ATP5PF: variants seen among roughly 807,000 people sequenced by gnomAD.
The protein encoded by ATP5PF is ATP synthase peripheral stalk subunit F6.
In ATP5PF, 7 loss-of-function variants were observed where a neutral mutation model predicts 12.0. The observed-to-expected ratio is 0.58, with a 90% CI of 0.33 to 1.10. ATP5PF has a LOEUF of 1.10. Ranked by LOEUF, ATP5PF falls within the 50% of genes least tolerant of loss-of-function variation. The pLI is 0.03. For missense variants in ATP5PF, 120 were observed against 127.7 expected, an observed-to-expected ratio of 0.94 and a Z score of 0.29; for synonymous variants, 41 against 45.4, an observed-to-expected ratio of 0.90 and a Z score of 0.39.
Position 25,730,736 on chromosome 21 carries a change from C to CAAAAAAAAAAAAAAAAAAAAA in ATP5PF, c.-7-956_-7-936dup, listed in dbSNP as rs71183508. Among the ~76,000 whole-genome samples the CAAAAAAAAAAAAAAAAAAAAA allele has an allele frequency of 5.0e-4, 16 of 31,892 alleles. 2 individuals carry two copies. The highest frequency in any genetic ancestry group is 8.1e-4 in the Admixed American group (2 of 2,480). The allele number at this position is 31,892 out of a possible 152,430, so 20.9% of individuals were successfully genotyped here. On this transcript the variant is annotated intron_variant, in intron 1 of 3. Coordinates refer to ENST00000284971, the MANE Select transcript of ATP5PF (RefSeq NM_001003703.2). ...GCAACAAGAGCAAGACTCCGTCTCA[C>CAAAAAAAAAAAAAAAAAAAAA]AAAAAAAAAAAAAAAAAAAAAAAAA...
upstream of ATP5PF, chr21:25,734,961 G>T: frequency 1.3e-6 from 2 of 1,571,494 alleles, no homozygotes; most frequent in Non-Finnish European, 1.7e-6. Flanking sequence ...TGCATTATGG[G>T]CCGCCGTTTC....
chr21:25,730,135 G>A (rs1034080506), intron 1 of ATP5PF, among the ~76,000 whole-genome samples: 2 of 152,152 alleles, frequency 1.3e-5, no homozygotes, highest in East Asian at 1.9e-4. Flanking sequence ...AACACTGTCC[G>A]CTCCTAACAG....
At chr21:25,728,615 A>G (rs1330979654) in intron 2 of ATP5PF, among the ~76,000 whole-genome samples, 1 of 152,298 alleles carries the variant, frequency 6.6e-6, no homozygotes, top group Admixed American at 6.5e-5. Flanking sequence ...GTTTCATGCT[A>G]TAAGGAAAAT....
chr21:25,729,928 G>A, intron 1 of ATP5PF, 127 bp from the exon 2 acceptor site: 3 of 1,079,840 alleles, frequency 2.8e-6, no homozygotes, highest in Non-Finnish European at 3.9e-6. Context: ...GTCTATACCT[G>A]ACCACAGTTC....
chr21:25,733,449 C>G (rs1288419287), intron 1 of ATP5PF, among the ~76,000 whole-genome samples: 1 of 152,066 alleles, frequency 6.6e-6, no homozygotes, highest in Non-Finnish European at 1.5e-5. Flanking sequence ...AGGGCGTAAA[C>G]CTGGAAAGTG....
chr21:25,733,594 AT>A, intron 1 of ATP5PF, among the ~76,000 whole-genome samples: 1 of 152,176 alleles, frequency 6.6e-6, no homozygotes, highest in African/African-American at 2.4e-5. Flanking sequence ...AAAAAAAAAA[AT>A]TGTGCAATTC....
chr21:25,724,709 A>T (rs773737627), intron 3 of ATP5PF, 32 bp from the exon 4 acceptor site: 14 of 1,583,548 alleles, frequency 8.8e-6, no homozygotes, highest in Non-Finnish European at 1.2e-5. Flanking sequence ...GGTCAAGCTT[A>T]GCCAAATTGC....
At chr21:25,735,241 C>A, upstream of ATP5PF, 1 of 568,710 alleles carries the variant, frequency 1.8e-6, no homozygotes, top group Non-Finnish European at 3.2e-6. Context: ...TTAGGGTTAT[C>A]GAAGTGTATA....
chr21:25,727,184 C>A (rs1448637233), intron 2 of ATP5PF, among the ~76,000 whole-genome samples: 1 of 152,110 alleles, frequency 6.6e-6, no homozygotes, highest in Admixed American at 6.5e-5. Context: ...ATGGACACTG[C>A]GGTTCTAAAT....
At chr21:25,734,557 C>T in intron 1 of ATP5PF, 1 of 455,736 alleles carries the variant, frequency 2.2e-6, no homozygotes, top group Non-Finnish European at 3.2e-6. Flanking sequence ...TCCCGCGCGC[C>T]TGACCTTGGG....
chr21:25,734,933 G>T (rs768581818), upstream of ATP5PF: 1 of 1,573,578 alleles, frequency 6.4e-7, no homozygotes, highest in South Asian at 1.2e-5. Context: ...GCCCCCACAC[G>T]CCTACCCGCC....
Position 25,725,367 on chromosome 21 carries a change from C to G in ATP5PF, c.165-17G>C, listed in dbSNP as rs376150115. ...CCAGATGTCCTGTTAAGTAAATGAG[C>G]AAACAAAAATTAATTTTGTGTACTA... On this transcript the variant is annotated splice_polypyrimidine_tract_variant and intron_variant, in intron 2 of 3. Coordinates refer to ENST00000284971, the MANE Select transcript of ATP5PF (RefSeq NM_001003703.2). 20 of 1,558,062 alleles carry G rather than the reference C, an allele frequency of 1.3e-5. No individual in the cohort carries two copies. The highest frequency in any genetic ancestry group is 4.2e-5 in the African/African-American group (3 of 72,240).
intron 3 of ATP5PF, 161 bp from the exon 4 acceptor site, chr21:25,724,838 C>G (rs2034574732): frequency 1.4e-6 from 1 of 714,546 alleles, no homozygotes; most frequent in Non-Finnish European, 2.3e-6. Flanking sequence ...GCAACACTTT[C>G]TATGAGCCAT....
At chr21:25,734,747 G>C in intron 1 of ATP5PF, 106 bp downstream of exon 1, 1 of 1,170,024 alleles carries the variant, frequency 8.5e-7, no homozygotes, top group Non-Finnish European at 1.2e-6. Flanking sequence ...AGGACACAGA[G>C]CTGCTCTCTC....
intron 1 of ATP5PF, among the ~76,000 whole-genome samples, chr21:25,730,736 C>CAAAAAA (rs71183508): frequency 0.017 from 539 of 31,862 alleles, 86 homozygotes; most frequent in Non-Finnish European, 0.026. Flanking sequence ...CTCCGTCTCA[C>CAAAAAA]AAAAAAAAAA....
At chr21:25,735,114 C>T (rs1601097784), upstream of ATP5PF, 3 of 751,418 alleles carry the variant, frequency 4.0e-6, no homozygotes, top group East Asian at 5.4e-5. Context: ...GCCATCTTTT[C>T]TTCGCCTAAT....
chr21:25,726,375 C>T (rs990638539), intron 2 of ATP5PF, among the ~76,000 whole-genome samples: 2 of 152,158 alleles, frequency 1.3e-5, no homozygotes, highest in African/African-American at 4.8e-5. Flanking sequence ...TAACAAAAAG[C>T]TATTCAAGTT....
chr21:25,734,745 G>A, intron 1 of ATP5PF, 108 bp downstream of exon 1: 1 of 1,157,240 alleles, frequency 8.6e-7, no homozygotes, highest in South Asian at 1.5e-5. Flanking sequence ...CCAGGACACA[G>A]AGCTGCTCTC....
Position 25,731,683 on chromosome 21 carries a change from GCAATA to G in ATP5PF, c.-7-1887_-7-1883del, listed in dbSNP as rs1223660291. 2.0e-4 allele frequency among the ~76,000 whole-genome samples: 30 copies of G among 151,684 alleles called. No individual in the cohort carries two copies. In the East Asian group the frequency reaches 5.6e-3, roughly 28 times the overall value. ...CATGCCCTCCCCAAATTTCCTAATAGCAATACTGTCATCATCACATTGACACCGGA... is the reference window on the plus strand; with the variant it reads ...CATGCCCTCCCCAAATTTCCTAATAGCTGTCATCATCACATTGACACCGGA... On this transcript the variant is annotated intron_variant, in intron 1 of 3. Transcript: ENST00000284971.
Sources: allele counts gnomAD v4.1 joint callset (sites outside exome capture counted in the v4.1 genomes callset), GRCh38; gene constraint gnomAD v4.1.1; transcripts MANE v1.5; gene names NCBI Gene and HGNC (gene_info 2026-07-23, HGNC 2026-07-21).